Variants in DENND1A observed in about 807,000 individuals in gnomAD.
The protein encoded by DENND1A is DENN domain containing 1A, also known as DENN domain-containing protein 1A.
In DENND1A, 51 loss-of-function variants were observed where a neutral mutation model predicts 113.7. That is an observed-to-expected ratio of 0.45 (90% CI 0.36 to 0.57). The LOEUF (loss-of-function observed/expected upper bound fraction) is 0.57, where lower values mean the gene tolerates loss of function less well. Among genes scored for constraint, DENND1A ranks in the 20% least tolerant of loss-of-function variants. DENND1A has a pLI of 0.00. For synonymous variants in DENND1A, 565 were observed against 570.8 expected (o/e 0.99, Z 0.14); for missense variants, 1,258 against 1,395.9 (o/e 0.90, Z 1.57).
intron 23 of DENND1A, among the ~76,000 whole-genome samples, 193 bp from the exon 24 acceptor site, chr9:123,382,818 C>A (rs945309490): frequency 1.3e-5 from 2 of 152,262 alleles, no homozygotes; most frequent in African/African-American, 4.8e-5. Flanking sequence ...GGACTCCAAG[C>A]CTGTGCTCCG....
intron 5 of DENND1A, among the ~76,000 whole-genome samples, chr9:123,683,910 C>T (rs1192337857): frequency 1.3e-5 from 2 of 152,150 alleles, no homozygotes; most frequent in African/African-American, 2.4e-5. Context: ...CAACTCTAGT[C>T]GGGACGTGGG....
chr9:123,686,370 A>T (rs2064811484), intron 5 of DENND1A, among the ~76,000 whole-genome samples: 1 of 152,250 alleles, frequency 6.6e-6, no homozygotes, highest in Non-Finnish European at 1.5e-5. Flanking sequence ...TAGTATGATC[A>T]CGTACAATGA....
chr9:123,607,543 A>AGT (rs1270262038), intron 11 of DENND1A, among the ~76,000 whole-genome samples: 4 of 123,392 alleles, frequency 3.2e-5, no homozygotes, highest in South Asian at 3.0e-4. Context: ...AGAGAGAGAG[A>AGT]GAGAGTGTGT....
rs1277640167 is a variant in DENND1A, at chr9:123,380,385, G to A, written c.*1047C>T. The A allele has an allele frequency of 1.3e-5, 2 of 152,636 alleles. No individual in the cohort carries two copies. The highest frequency in any genetic ancestry group is 2.9e-5 in the Non-Finnish European group (2 of 68,062). The allele number at this position is 152,636 out of a possible 1,614,324, so 9.5% of individuals were successfully genotyped here. ...TGGCCTGGAGCTCTGGGCAGGTGGG[G>A]AGGGACTGGCTTCTAGCCCTCCTCC... On this transcript the variant is annotated 3_prime_UTR_variant, in exon 24 of 24. Coordinates refer to ENST00000394215, the MANE Select transcript of DENND1A (RefSeq NM_001352964.2).
chr9:123,822,324 C>T (rs907735320), intron 2 of DENND1A, among the ~76,000 whole-genome samples: 1 of 152,100 alleles, frequency 6.6e-6, no homozygotes, highest in African/African-American at 2.4e-5. Flanking sequence ...TGTCCCAACA[C>T]TAAATATTAA....
chr9:123,435,447 G>A (rs1405345220), intron 19 of DENND1A, among the ~76,000 whole-genome samples: 5 of 152,212 alleles, frequency 3.3e-5, no homozygotes, highest in African/African-American at 1.2e-4. Context: ...AGCCACGGTG[G>A]TGCTTGGTTT....
At chr9:123,523,484 C>T (rs916969825) in intron 13 of DENND1A, among the ~76,000 whole-genome samples, 4 of 152,186 alleles carry the variant, frequency 2.6e-5, no homozygotes, top group Admixed American at 1.3e-4. Flanking sequence ...ATTAAGGAAC[C>T]TGTAGTATTT....
At position 123,690,194 on chromosome 9, in the gene DENND1A, T is replaced by C. The variant is rs533336413; in HGVS notation, c.303-13405A>G. Among the ~76,000 whole-genome samples, 44 of 151,064 alleles carry C rather than the reference T, an allele frequency of 2.9e-4. No individual in the cohort carries two copies. In the South Asian group the frequency reaches 9.2e-3, roughly 32 times the overall value. ...AGGGAAAACAAGGGGTATACACCACTATGTGTCACATGCCATCATATATGC... is the reference window on the plus strand; with the variant it reads ...AGGGAAAACAAGGGGTATACACCACCATGTGTCACATGCCATCATATATGC... On this transcript the variant is annotated intron_variant, in intron 5 of 23. Transcript: ENST00000394215.
intron 2 of DENND1A, among the ~76,000 whole-genome samples, chr9:123,855,797 T>G (rs139454764): frequency 0.036 from 5,479 of 152,120 alleles, 105 homozygotes; most frequent in Middle Eastern, 0.048. Context: ...CAGCACTTTG[T>G]GAGGCTGAGG....
intron 3 of DENND1A, among the ~76,000 whole-genome samples, chr9:123,783,782 C>A (rs918457105): frequency 1.3e-5 from 2 of 152,170 alleles, no homozygotes; most frequent in African/African-American, 2.4e-5. Flanking sequence ...GTATCACATA[C>A]CTCATGTTGT....
At chr9:123,515,870 C>A (rs997088834) in intron 13 of DENND1A, among the ~76,000 whole-genome samples, 1 of 151,836 alleles carries the variant, frequency 6.6e-6, no homozygotes, top group Non-Finnish European at 1.5e-5. Flanking sequence ...AGTTTGAGGC[C>A]AGTCTGGGCA....
At chr9:123,765,254 G>A (rs1179442119) in intron 4 of DENND1A, among the ~76,000 whole-genome samples, 1 of 152,184 alleles carries the variant, frequency 6.6e-6, no homozygotes, top group East Asian at 1.9e-4. Context: ...TCAGACAAAT[G>A]AGGGTTCTGC....
At chr9:123,599,212 C>A (rs2059835805) in intron 11 of DENND1A, among the ~76,000 whole-genome samples, 2 of 152,316 alleles carry the variant, frequency 1.3e-5, no homozygotes, top group South Asian at 4.1e-4. Flanking sequence ...GCCTAAACGG[C>A]ATATCTCTTA....
At chr9:123,531,539 T>G in intron 13 of DENND1A, among the ~76,000 whole-genome samples, 2 of 74,440 alleles carry the variant, frequency 2.7e-5, no homozygotes, top group African/African-American at 5.7e-5. Flanking sequence ...ATCCTTCTCT[T>G]CCCCCCTCTC....
chr9:123,419,898 C>T (rs1564454142), intron 19 of DENND1A, among the ~76,000 whole-genome samples: 1 of 152,178 alleles, frequency 6.6e-6, no homozygotes, highest in South Asian at 2.1e-4. Flanking sequence ...AAATACTTGC[C>T]TCCACTTCAG....
At chr9:123,560,466 C>T (rs193123516) in intron 12 of DENND1A, among the ~76,000 whole-genome samples, 3 of 152,216 alleles carry the variant, frequency 2.0e-5, no homozygotes, top group Non-Finnish European at 4.4e-5. Context: ...GCAGGAGGAT[C>T]GTTTGAGGCC....
intron 13 of DENND1A, among the ~76,000 whole-genome samples, chr9:123,519,224 T>C (rs1301411366): frequency 1.3e-5 from 2 of 152,174 alleles, no homozygotes; most frequent in Non-Finnish European, 2.9e-5. Context: ...CATCGGTCTG[T>C]CTCCTTGTTT....
intron 2 of DENND1A, among the ~76,000 whole-genome samples, chr9:123,876,572 T>C (rs1009362792): frequency 1.3e-5 from 2 of 152,178 alleles, no homozygotes; most frequent in African/African-American, 2.4e-5. Context: ...TGCACACATA[T>C]GTGCTGTGTA....
At chr9:123,483,696 TC>T (rs1317098563) in intron 13 of DENND1A, among the ~76,000 whole-genome samples, 1 of 152,226 alleles carries the variant, frequency 6.6e-6, no homozygotes. Flanking sequence ...GGGCTGAGAC[TC>T]CTGGCTCTGT....
Sources: allele counts gnomAD v4.1 joint callset (sites outside exome capture counted in the v4.1 genomes callset), GRCh38; gene constraint gnomAD v4.1.1; transcripts MANE v1.5; gene names NCBI Gene and HGNC (gene_info 2026-07-23, HGNC 2026-07-21).